Variants in INSL6 observed in about 807,000 individuals in gnomAD.
INSL6 encodes the protein insulin like 6, also known as insulin-like peptide INSL6.
Under a neutral mutation model 9.4 loss-of-function variants are expected in INSL6, and 16 were observed. The observed-to-expected ratio is 1.70, with a 90% CI of 1.15 to 2.59. The LOEUF is 2.59. INSL6 is among the 30% of genes most tolerant of loss of function. The pLI is 0.00. For missense variants in INSL6, 391 were observed against 257.3 expected, an observed-to-expected ratio of 1.52 and a Z score of -3.56; for synonymous variants, 154 against 96.9, an observed-to-expected ratio of 1.59 and a Z score of -3.46.
the INSL6 span, among the ~76,000 whole-genome samples, chr9:5,015,619 C>T: frequency 5.3e-5 from 8 of 151,532 alleles, no homozygotes; most frequent in Non-Finnish European, 8.8e-5. Flanking sequence ...CTGCTCACTG[C>T]GGCCTCGGTC....
the INSL6 span, among the ~76,000 whole-genome samples, chr9:5,068,608 T>A: frequency 6.6e-6 from 1 of 152,222 alleles, no homozygotes; most frequent in Admixed American, 6.5e-5. Context: ...CTTGAAATGA[T>A]TTAAGTCATT....
the INSL6 span, among the ~76,000 whole-genome samples, chr9:5,057,645 C>T: frequency 9.1e-5 from 13 of 143,626 alleles, no homozygotes; most frequent in South Asian, 4.3e-4. Flanking sequence ...CACAATGGCG[C>T]GATCTTGGCT....
the INSL6 span, among the ~76,000 whole-genome samples, chr9:4,999,295 A>C: frequency 6.6e-6 from 1 of 152,200 alleles, no homozygotes; most frequent in Admixed American, 6.5e-5. Flanking sequence ...TTCTTAAGTG[A>C]AAGAATCATG....
intron 1 of INSL6, among the ~76,000 whole-genome samples, chr9:5,181,346 TAAATA>T (rs1310136408): frequency 6.6e-6 from 1 of 151,682 alleles, no homozygotes; most frequent in African/African-American, 2.4e-5. Context: ...AATGACCAAT[TAAATA>T]AAATAGAAAG....
chr9:5,126,462 T>C (rs1312674050), intron 3 of INSL6: 1 of 1,499,978 alleles, frequency 6.7e-7, no homozygotes, highest in African/African-American at 1.4e-5. Context: ...AATTTTTTTT[T>C]AATCCAGGGT....
At chr9:5,120,300 G>C (rs556934116), downstream of INSL6, among the ~76,000 whole-genome samples, 6 of 152,184 alleles carry the variant, frequency 3.9e-5, no homozygotes, top group Non-Finnish European at 7.3e-5. Flanking sequence ...ATCTCTTAAA[G>C]GCCCCACCTG....
chr9:5,126,357 GACAA>G (rs1564029542), intron 3 of INSL6: 3 of 1,608,802 alleles, frequency 1.9e-6, no homozygotes, highest in Non-Finnish European at 1.7e-6. Context: ...GATTGGCAAT[GACAA>G]ACAAGGACAG....
chr9:5,175,650 G>A (rs549872819), intron 1 of INSL6, among the ~76,000 whole-genome samples: 12 of 152,240 alleles, frequency 7.9e-5, no homozygotes, highest in African/African-American at 2.2e-4. Context: ...CCCATTGCTC[G>A]CATTATCACC....
rs531475215 is a variant in INSL6 at position 5,171,147 on chromosome 9, T to C, written c.290-6882A>G. 7.9e-4 allele frequency among the ~76,000 whole-genome samples: 120 copies of C among 152,286 alleles called. 1 individual carries two copies. Among genetic ancestry groups the C allele is most frequent in the African/African-American group, 2.6e-3 (106 of 41,560 alleles). On this transcript the variant is annotated intron_variant, in intron 1 of 1. Transcript: ENST00000381641. ...AAAAAGCTTATCTGCCACGATCAAG[T>C]TGGCTTCATGTCCAGGGTGCAAGGG...
At chr9:5,057,496 C>G in the INSL6 span, among the ~76,000 whole-genome samples, 1 of 151,630 alleles carries the variant, frequency 6.6e-6, no homozygotes, top group Non-Finnish European at 1.5e-5. Flanking sequence ...ACTCTTTTAT[C>G]TTGCAAAATT....
the INSL6 span, among the ~76,000 whole-genome samples, chr9:5,020,748 G>C: frequency 6.6e-6 from 1 of 152,174 alleles, no homozygotes; most frequent in Non-Finnish European, 1.5e-5. Flanking sequence ...GGGAGCAGTG[G>C]GGTTATTGCC....
chr9:5,090,934 A>T, the INSL6 span: 396,722 of 1,490,512 alleles, frequency 0.27, 54,825 homozygotes, highest in Admixed American at 0.3. Flanking sequence ...CAGTATGATA[A>T]ATGAAATTTT....
chr9:5,094,459 C>G, the INSL6 span: 1 of 152,244 alleles, frequency 6.6e-6, no homozygotes, highest in South Asian at 2.1e-4. Context: ...AAATTATGTA[C>G]TGATCGGCAC....
chr9:5,017,732 G>A, the INSL6 span, among the ~76,000 whole-genome samples: 1 of 152,148 alleles, frequency 6.6e-6, no homozygotes, highest in African/African-American at 2.4e-5. Context: ...ATTCTTTAAA[G>A]TTGCATATCC....
intron 2 of INSL6, among the ~76,000 whole-genome samples, chr9:5,151,320 T>A (rs965391922): frequency 6.6e-6 from 1 of 151,998 alleles, no homozygotes; most frequent in Non-Finnish European, 1.5e-5. Flanking sequence ...AAATCTGATA[T>A]TAGAATAAAT....
chr9:5,030,703 T>G, the INSL6 span, among the ~76,000 whole-genome samples: 1 of 152,114 alleles, frequency 6.6e-6, no homozygotes, highest in Admixed American at 6.5e-5. Context: ...ATATATAATA[T>G]TTATTATTGT....
the INSL6 span, among the ~76,000 whole-genome samples, chr9:5,103,398 C>T: frequency 2.0e-5 from 3 of 151,894 alleles, no homozygotes; most frequent in African/African-American, 7.3e-5. Context: ...GTACCCAATA[C>T]AGCAGCACCA....
chr9:5,089,115 A>T, the INSL6 span, among the ~76,000 whole-genome samples: 2 of 152,242 alleles, frequency 1.3e-5, no homozygotes, highest in Non-Finnish European at 1.5e-5. Flanking sequence ...ATTTATTTAA[A>T]TGCTTTTTTG....
At chr9:5,083,385 G>C in the INSL6 span, among the ~76,000 whole-genome samples, 3 of 152,248 alleles carry the variant, frequency 2.0e-5, no homozygotes, top group Admixed American at 6.5e-5. Context: ...AAGCTTGCTA[G>C]GATAAGGTTC....
Sources: allele counts gnomAD v4.1 joint callset (sites outside exome capture counted in the v4.1 genomes callset), GRCh38; gene constraint gnomAD v4.1.1; transcripts MANE v1.5; gene names NCBI Gene and HGNC (gene_info 2026-07-23, HGNC 2026-07-21).